DSE: variants seen among roughly 807,000 people sequenced by gnomAD.
DSE encodes dermatan-sulfate epimerase.
Under a neutral mutation model 84.4 loss-of-function variants are expected in DSE, and 36 were observed. The observed-to-expected ratio is 0.43, with a 90% CI of 0.33 to 0.56. The LOEUF is 0.56. DSE is among the 20% of genes least tolerant of loss of function. The pLI is 0.06. For missense variants in DSE, 862 were observed against 1,169.6 expected (o/e 0.74, Z 3.84); for synonymous variants, 410 against 430.1 (o/e 0.95, Z 0.58).
intron 2 of DSE, chr6:116,259,035 A>T: frequency 2.0e-6 from 3 of 1,510,998 alleles, no homozygotes; most frequent in Non-Finnish European, 2.8e-6. Context: ...TGATGTGCAC[A>T]TCATCAGTGC....
chr6:116,255,939 C>CCA (rs1772123408), intron 1 of DSE: 1 of 152,150 alleles, frequency 6.6e-6, no homozygotes, highest in African/African-American at 2.4e-5. Context: ...CAAAGCATTC[C>CCA]CATCTCTAGC....
At chr6:116,338,613 C>T (rs1035318171) in intron 2 of DSE, among the ~76,000 whole-genome samples, 3 of 152,088 alleles carry the variant, frequency 2.0e-5, no homozygotes, top group African/African-American at 7.2e-5. Context: ...CCAAAGATTA[C>T]CTTTGGCTTA....
intron 1 of DSE, among the ~76,000 whole-genome samples, chr6:116,382,945 A>G (rs539809468): frequency 6.6e-6 from 1 of 152,324 alleles, no homozygotes; most frequent in South Asian, 2.1e-4. Flanking sequence ...TTCAAATGAT[A>G]AAAGTGCCAG....
chr6:116,382,472 C>A (rs1417731089), intron 1 of DSE, among the ~76,000 whole-genome samples: 1 of 152,138 alleles, frequency 6.6e-6, no homozygotes, highest in Non-Finnish European at 1.5e-5. Context: ...TGCTGTGCCC[C>A]CTGTTTCCTG....
intron 1 of DSE, among the ~76,000 whole-genome samples, chr6:116,392,940 A>G (rs1358292603): frequency 2.6e-5 from 4 of 152,174 alleles, no homozygotes; most frequent in Non-Finnish European, 5.9e-5. Context: ...TACTGATGGC[A>G]GTGATGGAGC....
chr6:116,344,633 G>A (rs991297554), intron 2 of DSE, among the ~76,000 whole-genome samples: 2 of 152,176 alleles, frequency 1.3e-5, no homozygotes, highest in African/African-American at 2.4e-5. Context: ...CCTGAAGGAA[G>A]CACTAACCAT....
At chr6:116,282,829 G>A (rs757485577) in intron 2 of DSE, among the ~76,000 whole-genome samples, 1 of 152,086 alleles carries the variant, frequency 6.6e-6, no homozygotes, top group Non-Finnish European at 1.5e-5. Flanking sequence ...CATACTTTAT[G>A]TCCTATTTTT....
At chr6:116,361,194 C>T (rs1369613867) in intron 2 of DSE, among the ~76,000 whole-genome samples, 1 of 151,800 alleles carries the variant, frequency 6.6e-6, no homozygotes, top group East Asian at 1.9e-4. Flanking sequence ...CCAGTAGCTG[C>T]GATTACAGGT....
intron 5 of DSE, among the ~76,000 whole-genome samples, chr6:116,435,269 A>G (rs974580849): frequency 2.0e-5 from 3 of 152,188 alleles, no homozygotes; most frequent in Admixed American, 2.0e-4. Flanking sequence ...GAAGTGCTTA[A>G]ATCCATGAGG....
At chr6:116,321,643 CG>C (rs1776330228) in intron 2 of DSE, among the ~76,000 whole-genome samples, 1 of 151,912 alleles carries the variant, frequency 6.6e-6, no homozygotes, top group Non-Finnish European at 1.5e-5. Flanking sequence ...AAAAATTAGC[CG>C]GCGCCTGTAA....
At chr6:116,311,453 C>T (rs1452324441) in intron 2 of DSE, among the ~76,000 whole-genome samples, 1 of 152,170 alleles carries the variant, frequency 6.6e-6, no homozygotes, top group African/African-American at 2.4e-5. Flanking sequence ...CTGTTTGATT[C>T]CACCAGGCTA....
chr6:116,334,499 G>C (rs745487671), intron 2 of DSE, among the ~76,000 whole-genome samples: 13 of 152,096 alleles, frequency 8.5e-5, no homozygotes, highest in Non-Finnish European at 1.5e-4. Context: ...TAGGTTGTCT[G>C]CTCACTCTTA....
chr6:116,269,264 A>G (rs1488357953), intron 2 of DSE, among the ~76,000 whole-genome samples: 1 of 152,228 alleles, frequency 6.6e-6, no homozygotes, highest in Non-Finnish European at 1.5e-5. Context: ...ATATAATAAA[A>G]CAACTTACAG....
intron 2 of DSE, among the ~76,000 whole-genome samples, chr6:116,314,390 T>G (rs2114740374): frequency 6.6e-6 from 1 of 152,314 alleles, no homozygotes; most frequent in Non-Finnish European, 1.5e-5. Context: ...ATCATATGGG[T>G]TTTAACCTTT....
At chr6:116,307,358 C>A (rs1775413678) in intron 2 of DSE, among the ~76,000 whole-genome samples, 1 of 152,206 alleles carries the variant, frequency 6.6e-6, no homozygotes, top group South Asian at 2.1e-4. Flanking sequence ...CAAGCCGATG[C>A]ATTGTATATG....
intron 2 of DSE, among the ~76,000 whole-genome samples, chr6:116,357,887 G>C (rs1778667302): frequency 6.6e-6 from 1 of 152,188 alleles, no homozygotes; most frequent in African/African-American, 2.4e-5. Context: ...GTTGCATTTT[G>C]ATGTATTTCC....
intron 2 of DSE, among the ~76,000 whole-genome samples, chr6:116,339,837 G>C (rs1777487025): frequency 6.6e-6 from 1 of 152,172 alleles, no homozygotes; most frequent in Non-Finnish European, 1.5e-5. Flanking sequence ...TCTGCATTTA[G>C]GATGTTAGTG....
At chr6:116,429,951 C>CA (rs56696040) in intron 3 of DSE, among the ~76,000 whole-genome samples, 4,399 of 15,368 alleles carry the variant, frequency 0.29, 1,538 homozygotes, top group African/African-American at 0.68. Context: ...GACTCCGTCT[C>CA]AAAAAAAAAA....
At chr6:116,304,884 T>C (rs755825819) in intron 2 of DSE, among the ~76,000 whole-genome samples, 1 of 152,186 alleles carries the variant, frequency 6.6e-6, no homozygotes, top group Admixed American at 6.5e-5. Flanking sequence ...CTGTGTTCAG[T>C]TGGGAAATAC....
Sources: allele counts gnomAD v4.1 joint callset (sites outside exome capture counted in the v4.1 genomes callset), GRCh38; gene constraint gnomAD v4.1.1; transcripts MANE v1.5; gene names NCBI Gene and HGNC (gene_info 2026-07-23, HGNC 2026-07-21).